KCP: variants seen among roughly 807,000 people sequenced by gnomAD.
The protein encoded by KCP is kielin/chordin-like protein.
Under a neutral mutation model 212.7 loss-of-function variants are expected in KCP, and 194 were observed. The ratio of observed to expected loss-of-function variants is 0.91; its 90% CI spans 0.81 to 1.03. The LOEUF is 1.03. KCP is among the 50% of genes least tolerant of loss of function. KCP has a pLI of 0.00. For missense variants in KCP, 2,080 were observed against 2,162.5 expected, an observed-to-expected ratio of 0.96 and a Z score of 0.76; for synonymous variants, 833 against 865.3, an observed-to-expected ratio of 0.96 and a Z score of 0.65.
rs1403649445 is a variant in KCP, at chr7:128,893,229, C to A, written c.1267+9G>T. 1.9e-6 allele frequency: 3 copies of A among 1,550,598 alleles called. No homozygotes were observed. The Admixed American group carries it at 5.9e-5, about 30-fold the overall frequency. On this transcript the variant is annotated intron_variant, in intron 13 of 39. Transcript: ENST00000610776. Reference sequence around the variant, plus strand: ...CCATAGCAGCTGCTCCTCCCCCTCTCACACACACCTGGGCAGAGCTGGCGG... The same window carrying A: ...CCATAGCAGCTGCTCCTCCCCCTCTAACACACACCTGGGCAGAGCTGGCGG...
chr7:128,894,322 G>T, intron 8 of KCP, 29 bp from the exon 9 acceptor site: 1 of 1,479,492 alleles, frequency 6.8e-7, no homozygotes, highest in East Asian at 2.5e-5. Context: ...AGGGGAAGGG[G>T]CCGACAGGGC....
chr7:128,879,146 C>T, intron 37 of KCP: 1 of 346,298 alleles, frequency 2.9e-6, no homozygotes. Flanking sequence ...GGGCAGGGGG[C>T]AAATTACTCT....
intron 1 of KCP, 106 bp from the exon 2 acceptor site, chr7:128,908,674 C>T (rs1170085772): frequency 3.2e-6 from 4 of 1,234,344 alleles, no homozygotes; most frequent in East Asian, 2.6e-5. Flanking sequence ...TCATCCTGTG[C>T]ACCCTGCCCT....
In KCP at chr7:128,885,102, C is replaced by CA. The variant is rs1793565103; in HGVS notation, c.3034dup (p.Cys1012LeufsTer3). The CA allele has an allele frequency of 1.3e-6, 2 of 1,550,666 alleles. No homozygotes were observed. The highest frequency in any genetic ancestry group is 1.7e-6 in the Non-Finnish European group (2 of 1,147,012). ...CCGCCCCAGGCTTCCAGTACCAGAGCATTGAGGACAGCAGTCATGGGGCCC... is the reference window on the plus strand; with the variant it reads ...CCGCCCCAGGCTTCCAGTACCAGAGCAATTGAGGACAGCAGTCATGGGGCCC... On this transcript the variant is annotated frameshift_variant, in exon 27 of 40. Transcript: ENST00000610776. LOFTEE classifies it high-confidence loss of function.
chr7:128,901,409 G>A (rs1260938628), intron 8 of KCP, among the ~76,000 whole-genome samples: 1 of 152,092 alleles, frequency 6.6e-6, no homozygotes, highest in African/African-American at 2.4e-5. Flanking sequence ...GGCGGATCAC[G>A]AGGTCAGGAG....
Position 128,877,427 on chromosome 7 carries a change from TG to T in KCP, c.4618+56del, listed in dbSNP as rs747594062. Reference sequence around the variant, plus strand: ...TGGTCCTGCCCTGAGCCCTCCGGGCTGCCCTTCTTCTCTGTGCTGAGCCTCC... The same window carrying T: ...TGGTCCTGCCCTGAGCCCTCCGGGCTCCCTTCTTCTCTGTGCTGAGCCTCC... On this transcript the variant is annotated intron_variant, in intron 39 of 39. Coordinates refer to ENST00000610776, the MANE Select transcript of KCP (RefSeq NM_001366122.1). 9.9e-4 allele frequency: 1,516 copies of T among 1,538,914 alleles called. 3 individuals carry two copies. Among genetic ancestry groups the T allele is most frequent in the Non-Finnish European group, 1.2e-3 (1,408 of 1,140,200 alleles).
At position 128,879,724 on chromosome 7, in the gene KCP, T is replaced by G. The variant is rs1793200895; in HGVS notation, c.4038A>C (p.Ala1346=). ...ACTCCTCGGCTTTGCTCACCGTGAC[T>G]GCCCCGTCCTGCAGCAGCCGCACGG... ...DMAVRLLQDG[A]VTVDGHPVAL... The change falls in exon 36 of 40, where the codon GCA becomes GCC. Residue 1346 remains alanine, a synonymous_variant. Transcript: ENST00000610776. 5.2e-6 allele frequency: 8 copies of G among 1,550,014 alleles called. No homozygotes were observed. Among genetic ancestry groups the G allele is most frequent in the Non-Finnish European group, 7.0e-6 (8 of 1,146,950 alleles).
intron 28 of KCP, 31 bp downstream of exon 28, chr7:128,884,750 G>T: frequency 6.5e-7 from 1 of 1,546,186 alleles, no homozygotes; most frequent in Non-Finnish European, 8.7e-7. Flanking sequence ...CCGACGAGGT[G>T]CCCCAGCCCC....
chr7:128,889,238 T>G (rs1365527890), intron 21 of KCP, among the ~76,000 whole-genome samples, 199 bp from the exon 22 acceptor site: 1 of 152,064 alleles, frequency 6.6e-6, no homozygotes, highest in East Asian at 1.9e-4. Flanking sequence ...AAGGCAAACT[T>G]TCTCCCCTTT....
Position 128,890,889 on chromosome 7 carries a change from A to G in KCP, c.2164+16T>C. 8.0e-7 allele frequency: 1 copy of G among 1,248,068 alleles called. No individual in the cohort carries two copies. Among genetic ancestry groups the G allele is most frequent in the East Asian group, 3.2e-5 (1 of 31,030 alleles). The allele number at this position is 1,248,068 out of a possible 1,614,324, so 77.3% of individuals were successfully genotyped here. A position where few individuals can be genotyped will look rare whatever the true frequency, so the allele number is the denominator to read the frequency against. On this transcript the variant is annotated intron_variant, in intron 20 of 39. Coordinates refer to ENST00000610776, the MANE Select transcript of KCP (RefSeq NM_001366122.1). ...CAGGACGCGGGTGGCCGGGAGGGGC[A>G]CCGCCAGGGCGTTACCGTCGCAGGA...
chr7:128,898,551 G>T (rs186457347), intron 8 of KCP, among the ~76,000 whole-genome samples: 181 of 152,312 alleles, frequency 1.2e-3, no homozygotes, highest in Middle Eastern at 3.4e-3. Flanking sequence ...TTCACCAAAA[G>T]TAAAAGTTGC....
chr7:128,910,357 C>T (rs1166635108), intron 1 of KCP, among the ~76,000 whole-genome samples: 1 of 152,226 alleles, frequency 6.6e-6, no homozygotes, highest in Non-Finnish European at 1.5e-5. Flanking sequence ...CCAGGGCAGC[C>T]GCACTCTCTC....
At chr7:128,898,154 C>T (rs997816104) in intron 8 of KCP, among the ~76,000 whole-genome samples, 1 of 152,002 alleles carries the variant, frequency 6.6e-6, no homozygotes, top group Non-Finnish European at 1.5e-5. Context: ...CTCCTGGGTT[C>T]AAGCCAGTCT....
intron 16 of KCP, among the ~76,000 whole-genome samples, chr7:128,892,153 C>G (rs1183025024): frequency 6.6e-6 from 1 of 151,746 alleles, no homozygotes; most frequent in East Asian, 1.9e-4. Flanking sequence ...AGCACCCGGC[C>G]TCCTACGTGG....
chr7:128,900,422 T>C (rs573356027), intron 8 of KCP, among the ~76,000 whole-genome samples: 2 of 152,366 alleles, frequency 1.3e-5, no homozygotes, highest in African/African-American at 4.8e-5. Flanking sequence ...GGACAGGTTA[T>C]GTAAAAATCT....
chr7:128,881,784 T>G, intron 30 of KCP, 59 bp from the exon 31 acceptor site: 2 of 1,428,860 alleles, frequency 1.4e-6, no homozygotes, highest in East Asian at 2.5e-5. Flanking sequence ...GGTGGAGGAG[T>G]AAGGCATAGG....
At position 128,892,965 on chromosome 7, in the gene KCP, G is replaced by A. The variant is rs770653458; in HGVS notation, c.1324C>T (p.Arg442Trp). 312 of 1,245,300 alleles carry A rather than the reference G, an allele frequency of 2.5e-4. 2 individuals carry two copies. The highest frequency in any genetic ancestry group is 1.8e-3 in the Admixed American group (92 of 50,580). 77.1% of individuals were successfully genotyped at this position (1,245,300 alleles called of 1,614,324 possible). ...AEGVQWEPDGRPCTACVCQDG... is the reference protein window; with the variant it reads ...AEGVQWEPDGWPCTACVCQDG... ...TGACAGACGCAGGCGGTGCAGGGCC[G>A]ACCATCAGGCTCCCACTGGACTCCC... The change falls in exon 14 of 40, where the codon CGG becomes TGG. Residue 442 changes from arginine to tryptophan, a missense_variant. Arg to Trp is a moderately radical substitution (Grantham distance 101). Coordinates refer to ENST00000610776, the MANE Select transcript of KCP (RefSeq NM_001366122.1).
intron 8 of KCP, among the ~76,000 whole-genome samples, chr7:128,897,401 T>G (rs1048250056): frequency 1.3e-5 from 2 of 152,220 alleles, no homozygotes; most frequent in African/African-American, 2.4e-5. Flanking sequence ...GTGACTTGGG[T>G]TCAGGGTTCA....
chr7:128,901,622 C>T (rs1194400685), intron 8 of KCP, among the ~76,000 whole-genome samples: 5 of 145,888 alleles, frequency 3.4e-5, no homozygotes, highest in African/African-American at 1.4e-4. Context: ...CAAGACTCCG[C>T]CTCAAAAAAA....
Sources: gnomAD v4.1 joint callset for allele counts (sites outside exome capture counted in the v4.1 genomes callset) on GRCh38, gnomAD v4.1.1 for gene constraint, MANE v1.5 for transcripts, NCBI Gene and HGNC (gene_info 2026-07-23, HGNC 2026-07-21) for gene names.